Variants in CUBN observed in about 807,000 individuals in gnomAD.
CUBN encodes 460 kDa receptor.
Under a neutral mutation model 405.3 loss-of-function variants are expected in CUBN, and 282 were observed. The observed-to-expected ratio is 0.70, with a 90% CI of 0.63 to 0.77. The LOEUF is 0.77. Ranked by LOEUF, CUBN falls within the 30% of genes least tolerant of loss-of-function variation. CUBN has a pLI of 0.00. For missense variants in CUBN, 4,514 were observed against 4,475.2 expected (o/e 1.01, Z -0.25); for synonymous variants, 1,684 against 1,617.0 (o/e 1.04, Z -0.99).
chr10:16,954,291 C>T, intron 32 of CUBN, 98 bp downstream of exon 32: 1 of 1,343,024 alleles, frequency 7.4e-7, no homozygotes, highest in South Asian at 1.2e-5. Flanking sequence ...AAGTAGAAGG[C>T]TGTGATCAAT....
rs1051648337 is a variant in CUBN at position 17,127,764 on chromosome 10, C to G, written c.348+65G>C. On this transcript the variant is annotated intron_variant, in intron 3 of 66. Transcript: ENST00000377833. ...CAAAGTTGGTATATCCCCTACAAAACGGTTACTTATACAATAGAACTAGGG... is the reference window on the plus strand; with the variant it reads ...CAAAGTTGGTATATCCCCTACAAAAGGGTTACTTATACAATAGAACTAGGG... 1.4e-5 allele frequency: 17 copies of G among 1,183,006 alleles called. No individual in the cohort carries two copies. In the Admixed American group the frequency reaches 3.0e-4, roughly 21 times the overall value. 73.3% of individuals were successfully genotyped at this position (1,183,006 alleles called of 1,614,324 possible). A position where few individuals can be genotyped will look rare whatever the true frequency, so the allele number is the denominator to read the frequency against.
intron 59 of CUBN, among the ~76,000 whole-genome samples, chr10:16,852,567 C>T (rs1054993469): frequency 4.6e-5 from 7 of 152,146 alleles, no homozygotes; most frequent in African/African-American, 1.4e-4. Context: ...ATAGCAGAGC[C>T]TTCAGGTGTC....
intron 19 of CUBN, among the ~76,000 whole-genome samples, chr10:17,070,824 C>T (rs1288800185): frequency 6.6e-6 from 1 of 152,078 alleles, no homozygotes; most frequent in Non-Finnish European, 1.5e-5. Context: ...GAATTTTACT[C>T]GTTCCCTTTC....
intron 27 of CUBN, among the ~76,000 whole-genome samples, chr10:17,029,681 TGACA>T (rs1278819465): frequency 1.3e-5 from 2 of 152,222 alleles, no homozygotes; most frequent in African/African-American, 2.4e-5. Flanking sequence ...AAACTTCCTC[TGACA>T]GACAGTTCCA....
chr10:17,088,183 C>T lies in CUBN; in HGVS notation c.1928G>A (p.Cys643Tyr). The change falls in exon 15 of 67, where the codon TGC (cysteine) becomes TAC (tyrosine). Residue 643 changes from cysteine to tyrosine, a missense_variant. Physicochemically the swap from Cys to Tyr is radical, Grantham distance 194. Transcript: ENST00000377833. ...GTLSLEHHDD[C>Y]NKDYLEIRDG... Reference sequence around the variant, plus strand: ...ATTTACCTCAAGGTAATCTTTGTTGCAGTCATCATGGTGCTCGAGGCTCAA... The same window carrying T: ...ATTTACCTCAAGGTAATCTTTGTTGTAGTCATCATGGTGCTCGAGGCTCAA... 1 of 1,612,716 alleles carries T rather than the reference C, an allele frequency of 6.2e-7. No individual in the cohort carries two copies. Among genetic ancestry groups the T allele is most frequent in the Non-Finnish European group, 8.5e-7 (1 of 1,178,826 alleles).
At chr10:16,973,936 G>A (rs1198874571) in intron 31 of CUBN, among the ~76,000 whole-genome samples, 1 of 152,136 alleles carries the variant, frequency 6.6e-6, no homozygotes, top group African/African-American at 2.4e-5. Flanking sequence ...ATCGTGGACA[G>A]TGCCGCGATG....
chr10:17,117,709 C>T (rs1189483772), intron 6 of CUBN, among the ~76,000 whole-genome samples: 3 of 152,158 alleles, frequency 2.0e-5, no homozygotes, highest in African/African-American at 2.4e-5. Flanking sequence ...GGATTACAGG[C>T]GTGAGCCACC....
rs115554950 is a variant in CUBN at position 16,945,124 on chromosome 10, C to A, written c.5342+2111G>T. 1.1e-3 allele frequency among the ~76,000 whole-genome samples: 165 copies of A among 152,194 alleles called. 1 individual carries two copies. Among genetic ancestry groups the A allele is most frequent in the African/African-American group, 3.7e-3 (155 of 41,530 alleles). ...GACCTGAAATCTTATCTGTCTTGAA[C>A]ACCTAGCTCAGTTCCTGGCAACCAC... On this transcript the variant is annotated intron_variant, in intron 36 of 66. Transcript: ENST00000377833.
rs563670353 is a variant in CUBN at position 16,933,252 on chromosome 10, C to T, written c.5959G>A (p.Ala1987Thr). The change falls in exon 40 of 67, where the codon GCA becomes ACA. Residue 1987 changes from alanine to threonine, a missense_variant. By Grantham distance (58) the Ala-to-Thr change is moderately conservative. This residue lies in a region of CUBN where 1,613 missense variants were observed against 1,542.8 expected (regional missense o/e 1.05). Transcript: ENST00000377833. ...CCCGGGGAGAAGAGAAACACGGGTG[C>T]ATCTCCCGTCCTCAGGAAGCCACCA... Reference protein sequence around the residue: ...ACGGFLRTGDAPVFLFSPGWP... With the variant: ...ACGGFLRTGDTPVFLFSPGWP... 13 of 1,613,860 alleles carry T rather than the reference C, an allele frequency of 8.1e-6. No homozygotes were observed. The African/African-American group carries it at 1.3e-4, about 17-fold the overall frequency.
intron 22 of CUBN, among the ~76,000 whole-genome samples, chr10:17,048,995 T>C (rs1025687620): frequency 6.6e-6 from 1 of 152,230 alleles, no homozygotes; most frequent in Non-Finnish European, 1.5e-5. Flanking sequence ...GGCTTTACTT[T>C]ATTGAAGGAA....
chr10:16,840,305 C>T, intron 62 of CUBN, 25 bp downstream of exon 62: 2 of 1,584,432 alleles, frequency 1.3e-6, no homozygotes, highest in Non-Finnish European at 1.7e-6. Context: ...CTAGATGTGA[C>T]TGCCATTCAT....
intron 27 of CUBN, among the ~76,000 whole-genome samples, chr10:17,036,613 A>C (rs1007666525): frequency 6.6e-6 from 1 of 152,142 alleles, no homozygotes; most frequent in Non-Finnish European, 1.5e-5. Context: ...AGGGGGCTGA[A>C]GGGAAAACGT....
At chr10:16,961,348 G>C (rs1488108911) in intron 31 of CUBN, among the ~76,000 whole-genome samples, 4 of 152,198 alleles carry the variant, frequency 2.6e-5, no homozygotes, top group Non-Finnish European at 5.9e-5. Flanking sequence ...TTATAGGCAT[G>C]AGCCACAGTG....
In CUBN at chr10:17,129,030, A is replaced by C. The variant is rs536877350; in HGVS notation, c.252+91T>G. On this transcript the variant is annotated intron_variant, in intron 2 of 66. Coordinates refer to ENST00000377833, the MANE Select transcript of CUBN (RefSeq NM_001081.4). ...ATTAATAAAAAATAATAATTAAAAAAGATTCAAGGTACAGATTAATCTAGA... is the reference window on the plus strand; with the variant it reads ...ATTAATAAAAAATAATAATTAAAAACGATTCAAGGTACAGATTAATCTAGA... The C allele has an allele frequency of 1.4e-3, 1,357 of 966,390 alleles. 2 individuals are homozygous for C. The highest frequency in any genetic ancestry group is 1.8e-3 in the Non-Finnish European group (1,182 of 642,454). 59.9% of individuals were successfully genotyped at this position (966,390 alleles called of 1,614,324 possible).
intron 12 of CUBN, 146 bp from the exon 13 acceptor site, chr10:17,103,383 CCCTTTTT>C: frequency 1.5e-6 from 1 of 671,170 alleles, no homozygotes; most frequent in South Asian, 1.6e-5. Flanking sequence ...CTCCTCTGTG[CCCTTTTT>C]CTGTCAACTT....
chr10:16,936,474 A>G (rs1364082255), intron 39 of CUBN, among the ~76,000 whole-genome samples: 1 of 152,240 alleles, frequency 6.6e-6, no homozygotes, highest in African/African-American at 2.4e-5. Context: ...TTAAATAAAT[A>G]TAAGTACAAA....
chr10:16,957,794 C>T (rs1005430766), intron 31 of CUBN, among the ~76,000 whole-genome samples: 3 of 151,622 alleles, frequency 2.0e-5, no homozygotes, highest in Non-Finnish European at 4.4e-5. Context: ...AACTGAAGCA[C>T]TAGTCACAAT....
intron 51 of CUBN, 83 bp from the exon 52 acceptor site, chr10:16,901,542 C>CAAATCATAATCAAA: frequency 2.6e-6 from 4 of 1,550,940 alleles, no homozygotes; most frequent in Non-Finnish European, 3.5e-6. Context: ...TAATCATAAC[C>CAAATCATAATCAAA]ATCAGATTTT....
intron 65 of CUBN, among the ~76,000 whole-genome samples, chr10:16,829,269 G>C (rs548594551): frequency 2.3e-4 from 35 of 149,230 alleles, no homozygotes; most frequent in African/African-American, 8.5e-4. Context: ...ACGTGCCTTT[G>C]CCTGCATATC....
Sources: allele counts gnomAD v4.1 joint callset (sites outside exome capture counted in the v4.1 genomes callset), GRCh38; gene constraint gnomAD v4.1.1; regional missense constraint gnomAD v4.1.1; transcripts MANE v1.5; gene names NCBI Gene and HGNC (gene_info 2026-07-23, HGNC 2026-07-21).